The following KAZN variants were observed in gnomAD, a reference collection of about 807,000 sequenced individuals.
The protein encoded by KAZN is kazrin, periplakin interacting protein, also known as kazrin.
A neutral mutation model predicts 87.4 loss-of-function variants in KAZN; 40 were observed. The ratio of observed to expected loss-of-function variants is 0.46; its 90% CI spans 0.36 to 0.60. KAZN has a LOEUF of 0.60. KAZN is among the 20% of genes least tolerant of loss of function. The probability of loss-of-function intolerance (pLI) is 0.00; values close to 1 mark genes in which losing one functional copy is unlikely to be tolerated. For missense variants in KAZN, 898 were observed against 1,073.9 expected, an observed-to-expected ratio of 0.84 and a Z score of 2.29; for synonymous variants, 466 against 458.3, an observed-to-expected ratio of 1.02 and a Z score of -0.22.
intron 2 of KAZN, among the ~76,000 whole-genome samples, chr1:14,420,510 C>T (rs149115635): frequency 0.023 from 3,563 of 152,316 alleles, 52 homozygotes; most frequent in Middle Eastern, 0.037. Context: ...CCTTGGTCCT[C>T]AGCCCTTGGG....
chr1:14,217,430 G>C (rs1646982626), intron 2 of KAZN, among the ~76,000 whole-genome samples: 1 of 150,516 alleles, frequency 6.6e-6, no homozygotes, highest in Non-Finnish European at 1.5e-5. Context: ...AAAAACCTAA[G>C]AAAATGTCAC....
At chr1:14,167,935 T>G (rs1237741509) in intron 1 of KAZN, among the ~76,000 whole-genome samples, 1 of 152,168 alleles carries the variant, frequency 6.6e-6, no homozygotes, top group Non-Finnish European at 1.5e-5. Context: ...CCAAATGCCA[T>G]GGCCTCTCAG....
At chr1:15,060,073 C>A in intron 5 of KAZN, 99 bp from the exon 6 acceptor site, 1 of 1,483,454 alleles carries the variant, frequency 6.7e-7, no homozygotes, top group East Asian at 2.3e-5. Flanking sequence ...TCAGTGTTCC[C>A]ATCTGTAGAA....
chr1:14,551,875 C>T (rs1214296814), intron 2 of KAZN, among the ~76,000 whole-genome samples: 1 of 152,144 alleles, frequency 6.6e-6, no homozygotes, highest in African/African-American at 2.4e-5. Flanking sequence ...ATCCTTCTCA[C>T]CCCTCCTTGG....
chr1:14,928,717 G>A lies in KAZN; in HGVS notation c.227-31967G>A, dbSNP rs942112349. ...AATGGTTTTACGAAGCTGCCCACTAGGACCCATTGGTGGGTTTCGTGTGAG... is the reference window on the plus strand; with the variant it reads ...AATGGTTTTACGAAGCTGCCCACTAAGACCCATTGGTGGGTTTCGTGTGAG... On this transcript the variant is annotated intron_variant, in intron 1 of 14. Transcript: ENST00000376030. Among the ~76,000 whole-genome samples the A allele has an allele frequency of 4.3e-4, 66 of 152,192 alleles. 1 individual carries two copies. The highest frequency in any genetic ancestry group is 1.3e-4 in the Non-Finnish European group (9 of 68,036).
intron 1 of KAZN, among the ~76,000 whole-genome samples, chr1:13,963,066 T>C (rs1270658218): frequency 6.6e-6 from 1 of 152,170 alleles, no homozygotes; most frequent in Non-Finnish European, 1.5e-5. Flanking sequence ...GAACTTTATC[T>C]TGGTGTCAAC....
intron 2 of KAZN, among the ~76,000 whole-genome samples, chr1:14,529,769 AGGCACGGACCAG>A (rs1171912459): frequency 1.3e-5 from 2 of 152,236 alleles, no homozygotes; most frequent in Non-Finnish European, 2.9e-5. Context: ...CTTGCTGCTC[AGGCACGGACCAG>A]GGCATTGCAA....
At chr1:14,300,444 C>T (rs1654466101) in intron 2 of KAZN, among the ~76,000 whole-genome samples, 1 of 152,190 alleles carries the variant, frequency 6.6e-6, no homozygotes, top group Non-Finnish European at 1.5e-5. Context: ...GTTGCCCAGC[C>T]AGGCTGGTCT....
intron 1 of KAZN, among the ~76,000 whole-genome samples, chr1:14,896,041 C>CTTTTTTTTT (rs201188620): frequency 3.6e-5 from 5 of 140,718 alleles, no homozygotes; most frequent in African/African-American, 1.4e-4. Context: ...AAAAAGACGC[C>CTTTTTTTTT]TTTTTTTTTT....
rs1676719141 is a variant in KAZN at position 14,598,975 on chromosome 1, G to T, written c.-23G>T. On this transcript the variant is annotated 5_prime_UTR_variant, in exon 1 of 15. Transcript: ENST00000376030. The surrounding 1 kb of genome is among the most constrained non-coding windows in gnomAD (Gnocchi z 4.2). ...CATGCAGCTCTTTGTCACCTCTCTC[G>T]CCCCCAGGCCAAAATCCTGAGCATG... 1 of 1,565,512 alleles carries T rather than the reference G, an allele frequency of 6.4e-7. No individual in the cohort carries two copies. The highest frequency in any genetic ancestry group is 8.6e-7 in the Non-Finnish European group (1 of 1,159,566).
chr1:14,430,188 A>G (rs1406656305), intron 2 of KAZN, among the ~76,000 whole-genome samples: 2 of 123,804 alleles, frequency 1.6e-5, no homozygotes, highest in African/African-American at 6.4e-5. Context: ...AACACTGTCC[A>G]CCTCCACCAC....
At chr1:13,954,430 G>A (rs926302492) in intron 1 of KAZN, among the ~76,000 whole-genome samples, 1 of 152,156 alleles carries the variant, frequency 6.6e-6, no homozygotes, top group African/African-American at 2.4e-5. Context: ...AGATGTGATG[G>A]GGTTGCTGTT....
chr1:14,502,410 G>A (rs1227302316), intron 2 of KAZN, among the ~76,000 whole-genome samples: 1 of 152,136 alleles, frequency 6.6e-6, no homozygotes, highest in Non-Finnish European at 1.5e-5. Context: ...CCTCAGACAA[G>A]CTTACAATCC....
chr1:14,637,457 A>G (rs1680076852), intron 1 of KAZN, among the ~76,000 whole-genome samples: 1 of 152,186 alleles, frequency 6.6e-6, no homozygotes, highest in Non-Finnish European at 1.5e-5. Flanking sequence ...TGACTTGCCA[A>G]GGGCACACAG....
rs187866323 is a variant in KAZN, at chr1:15,041,565, G to A, written c.556-2424G>A. 2.9e-3 allele frequency among the ~76,000 whole-genome samples: 436 copies of A among 151,822 alleles called. 5 individuals are homozygous for A. The highest frequency in any genetic ancestry group is 5.0e-3 in the Non-Finnish European group (340 of 67,970). On this transcript the variant is annotated intron_variant, in intron 3 of 14. Transcript: ENST00000376030. ...TTGGTCAGGCTGGTCTCGAACTCTC[G>A]ACCTCAGGTGATCCATCCACCTCAG...
At chr1:13,972,868 C>G (rs745430400) in intron 1 of KAZN, among the ~76,000 whole-genome samples, 11 of 152,202 alleles carry the variant, frequency 7.2e-5, no homozygotes, top group Non-Finnish European at 1.3e-4. Context: ...ACCAGTTATT[C>G]TGTGTCTCAA....
intron 2 of KAZN, among the ~76,000 whole-genome samples, chr1:14,547,176 G>T (rs1262359789): frequency 6.6e-6 from 1 of 152,184 alleles, no homozygotes; most frequent in Admixed American, 6.5e-5. Context: ...CCAAAGGGAA[G>T]AATAGAATGA....
At chr1:14,650,573 AC>A (rs370873497) in intron 1 of KAZN, among the ~76,000 whole-genome samples, 3 of 152,322 alleles carry the variant, frequency 2.0e-5, no homozygotes, top group African/African-American at 7.2e-5. Flanking sequence ...CAAAAAAGAC[AC>A]AATGGGACCA....
intron 2 of KAZN, among the ~76,000 whole-genome samples, chr1:14,586,330 C>T (rs1675844678): frequency 2.0e-5 from 3 of 152,112 alleles, no homozygotes; most frequent in Non-Finnish European, 2.9e-5. Context: ...CAGTTTAATA[C>T]GGTTCAACAA....
Sources: allele counts gnomAD v4.1 joint callset (sites outside exome capture counted in the v4.1 genomes callset), GRCh38; gene constraint gnomAD v4.1.1; non-coding constraint Gnocchi (gnomAD v3.1); transcripts MANE v1.5; gene names NCBI Gene and HGNC (gene_info 2026-07-23, HGNC 2026-07-21).